The following ANO3 variants were observed in gnomAD, a reference collection of about 807,000 sequenced individuals.
ANO3 encodes anoctamin-3.
A neutral mutation model predicts 144.8 loss-of-function variants in ANO3; 99 were observed. The ratio of observed to expected loss-of-function variants is 0.68; its 90% CI spans 0.58 to 0.81. The LOEUF is 0.81. Among genes scored for constraint, ANO3 ranks in the 30% least tolerant of loss-of-function variants. The pLI is 0.00. For missense variants in ANO3, 905 were observed against 1,202.2 expected (o/e 0.75, Z 3.66); for synonymous variants, 414 against 392.6 (o/e 1.05, Z -0.64).
At chr11:26,439,448 C>T (rs1479566796) in intron 1 of ANO3, among the ~76,000 whole-genome samples, 3 of 152,080 alleles carry the variant, frequency 2.0e-5, no homozygotes, top group East Asian at 1.9e-4. Context: ...TAGTAGTTTC[C>T]AGAGACTGAG....
chr11:26,623,434 C>T (rs568282637), intron 17 of ANO3, among the ~76,000 whole-genome samples: 7 of 152,206 alleles, frequency 4.6e-5, no homozygotes, highest in East Asian at 1.9e-4. Context: ...CTGTCTATAG[C>T]GAATACTTTC....
intron 3 of ANO3, among the ~76,000 whole-genome samples, chr11:26,452,661 A>G (rs961587754): frequency 2.6e-5 from 4 of 152,228 alleles, no homozygotes; most frequent in African/African-American, 4.8e-5. Flanking sequence ...ACTCTGCAGG[A>G]TATTATCCAG....
At chr11:26,591,223 G>A (rs1851441283) in intron 14 of ANO3, among the ~76,000 whole-genome samples, 1 of 152,134 alleles carries the variant, frequency 6.6e-6, no homozygotes, top group Admixed American at 6.5e-5. Flanking sequence ...ACTCTCAACA[G>A]GAAAACTCAA....
Position 26,547,937 on chromosome 11 carries a change from C to T in ANO3, c.1289+387C>T, listed in dbSNP as rs1173837001. Among the ~76,000 whole-genome samples, 3 of 151,896 alleles carry T rather than the reference C, an allele frequency of 2.0e-5. No individual in the cohort carries two copies. The East Asian group carries it at 5.8e-4, about 29-fold the overall frequency. The stretch of plus-strand genomic sequence containing the variant: ...ATAATTTATAATTTACAAAGTCCTT[C>T]CAAATACCTTGTTTCATTTGCTATA... On this transcript the variant is annotated intron_variant, in intron 12 of 26. Transcript: ENST00000256737.
At chr11:26,589,417 T>TC (rs938987678) in intron 14 of ANO3, among the ~76,000 whole-genome samples, 15 of 151,942 alleles carry the variant, frequency 9.9e-5, no homozygotes, top group African/African-American at 3.6e-4. Context: ...AATTTTCTTT[T>TC]TTTTTTTTTT....
intron 4 of ANO3, among the ~76,000 whole-genome samples, chr11:26,480,536 G>A (rs944026927): frequency 2.6e-5 from 4 of 152,160 alleles, no homozygotes; most frequent in East Asian, 1.9e-4. Context: ...TGAGCAGGCC[G>A]GGCACTCATG....
chr11:26,593,716 T>G (rs1020302345), intron 14 of ANO3, among the ~76,000 whole-genome samples: 2 of 152,188 alleles, frequency 1.3e-5, no homozygotes, highest in Non-Finnish European at 2.9e-5. Context: ...TTATTTCTAT[T>G]TGGACAATCT....
At chr11:26,614,355 T>C (rs1050528348) in intron 17 of ANO3, among the ~76,000 whole-genome samples, 2 of 152,190 alleles carry the variant, frequency 1.3e-5, no homozygotes, top group Non-Finnish European at 2.9e-5. Flanking sequence ...TGGGTTTGGA[T>C]GCCAGGGTCT....
chr11:26,628,253 CAG>C (rs1430007513), intron 18 of ANO3, among the ~76,000 whole-genome samples: 1 of 152,108 alleles, frequency 6.6e-6, no homozygotes, highest in Non-Finnish European at 1.5e-5. Flanking sequence ...CTTTGTCAGA[CAG>C]GGGTCAAAAC....
At chr11:26,228,364 T>G (rs2133799375) in intron 1 of ANO3, among the ~76,000 whole-genome samples, 1 of 152,376 alleles carries the variant, frequency 6.6e-6, no homozygotes, top group Admixed American at 6.5e-5. Flanking sequence ...GCCAGGGTCC[T>G]GTCTGTGCTC....
At chr11:26,624,801 GTGT>G (rs1852527024) in intron 18 of ANO3, among the ~76,000 whole-genome samples, 1 of 152,026 alleles carries the variant, frequency 6.6e-6, no homozygotes, top group South Asian at 2.1e-4. Context: ...TTTTATCAAA[GTGT>G]TATACTACAT....
intron 1 of ANO3, among the ~76,000 whole-genome samples, chr11:26,269,289 C>T (rs1853385842): frequency 6.6e-6 from 1 of 152,170 alleles, no homozygotes; most frequent in Non-Finnish European, 1.5e-5. Context: ...GCAGGACTTC[C>T]TTAGGCACCT....
intron 1 of ANO3, among the ~76,000 whole-genome samples, chr11:26,248,257 G>C (rs1396882047): frequency 1.3e-5 from 2 of 152,020 alleles, no homozygotes; most frequent in African/African-American, 4.8e-5. Context: ...AGAATCGCTT[G>C]AACCCGGGAG....
intron 1 of ANO3, among the ~76,000 whole-genome samples, chr11:26,333,697 C>T (rs1855121318): frequency 6.6e-6 from 1 of 152,128 alleles, no homozygotes; most frequent in South Asian, 2.1e-4. Context: ...TTCCATAATT[C>T]TGTACTCAGT....
intron 1 of ANO3, among the ~76,000 whole-genome samples, chr11:26,396,672 C>A (rs1361054863): frequency 6.6e-6 from 1 of 152,052 alleles, no homozygotes; most frequent in Non-Finnish European, 1.5e-5. Context: ...AACCATCATT[C>A]TCAGCAAACT....
chr11:26,227,727 C>T (rs1310991219), intron 1 of ANO3, among the ~76,000 whole-genome samples: 3 of 152,088 alleles, frequency 2.0e-5, no homozygotes, highest in Non-Finnish European at 4.4e-5. Flanking sequence ...TCAATCACGT[C>T]GAATGCTTTC....
At chr11:26,369,875 T>G (rs1856200723) in intron 1 of ANO3, among the ~76,000 whole-genome samples, 1 of 152,228 alleles carries the variant, frequency 6.6e-6, no homozygotes, top group African/African-American at 2.4e-5. Flanking sequence ...ATGTTCAATT[T>G]GTTACCATCA....
chr11:26,553,398 G>A, intron 13 of ANO3, 53 bp downstream of exon 13: 2 of 1,290,856 alleles, frequency 1.5e-6, no homozygotes, highest in South Asian at 1.3e-5. Flanking sequence ...GAAGCAGGCT[G>A]TAAGAAGTCC....
chr11:26,638,051 G>A (rs879376563), intron 20 of ANO3, among the ~76,000 whole-genome samples: 37 of 152,128 alleles, frequency 2.4e-4, no homozygotes, highest in Non-Finnish European at 4.3e-4. Context: ...AAGCACAGAC[G>A]AAAGAATAGG....
Sources: gnomAD v4.1 joint callset for allele counts (sites outside exome capture counted in the v4.1 genomes callset) on GRCh38, gnomAD v4.1.1 for gene constraint, MANE v1.5 for transcripts, NCBI Gene and HGNC (gene_info 2026-07-23, HGNC 2026-07-21) for gene names.